The following PRKG1 variants were observed in gnomAD, a reference collection of about 807,000 sequenced individuals.
PRKG1 encodes cGMP-dependent protein kinase 1.
Under a neutral mutation model 88.1 loss-of-function variants are expected in PRKG1, and 35 were observed. The observed-to-expected ratio is 0.40, with a 90% CI of 0.30 to 0.53. The LOEUF is 0.53. Ranked by LOEUF, PRKG1 falls within the 20% of genes least tolerant of loss-of-function variation. The probability of loss-of-function intolerance (pLI) is 0.59; values close to 1 mark genes in which losing one functional copy is unlikely to be tolerated. For missense variants in PRKG1, 540 were observed against 839.8 expected (o/e 0.64, Z 4.41); for synonymous variants, 303 against 292.5 (o/e 1.04, Z -0.37).
At chr10:51,573,344 A>C (rs1772217632) in intron 3 of PRKG1, among the ~76,000 whole-genome samples, 1 of 151,598 alleles carries the variant, frequency 6.6e-6, no homozygotes. Context: ...GAAAAATAAG[A>C]ATTAATACAC....
At chr10:50,995,039 G>A (rs974385817) in intron 1 of PRKG1, among the ~76,000 whole-genome samples, 1 of 152,104 alleles carries the variant, frequency 6.6e-6, no homozygotes, top group Non-Finnish European at 1.5e-5. Flanking sequence ...ATCCTCGGAG[G>A]TCCTGGAACC....
intron 4 of PRKG1, among the ~76,000 whole-genome samples, chr10:51,880,153 A>G (rs74135010): frequency 0.011 from 1,639 of 152,230 alleles, 31 homozygotes; most frequent in African/African-American, 0.038. Flanking sequence ...GTGATACTAT[A>G]TGTTTAAATT....
At position 51,393,575 on chromosome 10, in the gene PRKG1, A is replaced by G. The variant is rs187716974; in HGVS notation, c.479-74148A>G. Among the ~76,000 whole-genome samples the G allele has an allele frequency of 1.6e-3, 242 of 152,352 alleles. 1 individual carries two copies. The highest frequency in any genetic ancestry group is 5.6e-3 in the African/African-American group (234 of 41,580). ...CAAAGGAGACCAAGATCAGTGCCTT[A>G]TCTACAGAAATATGAATGTGATGAT... On this transcript the variant is annotated intron_variant, in intron 2 of 17. Coordinates refer to ENST00000373980, the MANE Select transcript of PRKG1 (RefSeq NM_006258.4).
chr10:51,999,988 C>A (rs934222068), intron 5 of PRKG1, among the ~76,000 whole-genome samples: 4 of 151,930 alleles, frequency 2.6e-5, no homozygotes, highest in Non-Finnish European at 5.9e-5. Flanking sequence ...TTCAATTTGG[C>A]TTTTTAATGT....
intron 3 of PRKG1, among the ~76,000 whole-genome samples, chr10:51,742,404 G>T (rs975535124): frequency 6.6e-6 from 1 of 152,248 alleles, no homozygotes; most frequent in East Asian, 1.9e-4. Flanking sequence ...TTGGTTTGCC[G>T]CTTAATAGCC....
At chr10:51,724,153 C>G (rs1487553713) in intron 3 of PRKG1, among the ~76,000 whole-genome samples, 2 of 152,178 alleles carry the variant, frequency 1.3e-5, no homozygotes, top group Non-Finnish European at 1.5e-5. Context: ...GAAATCTCCC[C>G]TGCCAAATTA....
chr10:52,159,009 C>A (rs1838204131), intron 8 of PRKG1, among the ~76,000 whole-genome samples: 1 of 151,260 alleles, frequency 6.6e-6, no homozygotes, highest in South Asian at 2.1e-4. Context: ...AGTTAAAAAT[C>A]ATAGCGATGA....
At chr10:51,064,724 A>G (rs921990183) in intron 1 of PRKG1, among the ~76,000 whole-genome samples, 1 of 152,200 alleles carries the variant, frequency 6.6e-6, no homozygotes, top group Non-Finnish European at 1.5e-5. Flanking sequence ...TTAACAAACC[A>G]TATATTCCTG....
chr10:51,263,023 C>T (rs931490303), intron 2 of PRKG1, among the ~76,000 whole-genome samples: 6 of 152,082 alleles, frequency 3.9e-5, no homozygotes, highest in Non-Finnish European at 7.4e-5. Context: ...TTTCTTCTTC[C>T]TGAGAAAAGT....
chr10:51,239,939 G>A (rs1839107104), intron 2 of PRKG1, among the ~76,000 whole-genome samples: 1 of 152,100 alleles, frequency 6.6e-6, no homozygotes, highest in Non-Finnish European at 1.5e-5. Flanking sequence ...ACAATTTCTG[G>A]CATATAGCAA....
intron 9 of PRKG1, among the ~76,000 whole-genome samples, chr10:52,240,349 A>G (rs368604302): frequency 6.6e-6 from 1 of 152,148 alleles, no homozygotes; most frequent in African/African-American, 2.4e-5. Flanking sequence ...ACATTCTACA[A>G]AACACTTGTC....
chr10:52,205,540 G>T (rs1839796890), intron 9 of PRKG1, among the ~76,000 whole-genome samples: 1 of 152,044 alleles, frequency 6.6e-6, no homozygotes, highest in African/African-American at 2.4e-5. Flanking sequence ...GTGTTTTTTT[G>T]GTGGCTGGTA....
At chr10:52,151,200 C>T (rs374295713) in intron 8 of PRKG1, among the ~76,000 whole-genome samples, 2 of 151,890 alleles carry the variant, frequency 1.3e-5, no homozygotes, top group Non-Finnish European at 1.5e-5. Flanking sequence ...GGCCTAGTAC[C>T]CAATAGTTAT....
At chr10:51,861,801 T>C (rs1840880431) in intron 4 of PRKG1, among the ~76,000 whole-genome samples, 1 of 152,238 alleles carries the variant, frequency 6.6e-6, no homozygotes, top group Non-Finnish European at 1.5e-5. Flanking sequence ...TGACACAGGA[T>C]CCTCTCAGTG....
At chr10:51,327,793 C>G (rs1460044824) in intron 2 of PRKG1, among the ~76,000 whole-genome samples, 1 of 152,164 alleles carries the variant, frequency 6.6e-6, no homozygotes, top group African/African-American at 2.4e-5. Context: ...AGTAGAAACA[C>G]AGTATTACAA....
chr10:52,058,510 T>C (rs1846162569), intron 6 of PRKG1, among the ~76,000 whole-genome samples: 6 of 151,956 alleles, frequency 3.9e-5, no homozygotes, highest in Admixed American at 3.9e-4. Context: ...TGCCTACAGT[T>C]AACGTACTTA....
intron 3 of PRKG1, among the ~76,000 whole-genome samples, chr10:51,659,444 C>T (rs1443662970): frequency 6.6e-6 from 1 of 151,976 alleles, no homozygotes; most frequent in Non-Finnish European, 1.5e-5. Flanking sequence ...TGAGCTAATA[C>T]CCAAGGAGAT....
At chr10:52,054,741 T>C (rs1846070523) in intron 6 of PRKG1, among the ~76,000 whole-genome samples, 180 bp downstream of exon 6, 1 of 152,188 alleles carries the variant, frequency 6.6e-6, no homozygotes, top group Non-Finnish European at 1.5e-5. Context: ...AGATGTAACT[T>C]GGAAGACCAG....
intron 5 of PRKG1, among the ~76,000 whole-genome samples, chr10:51,926,748 TAG>T: frequency 8.3e-6 from 1 of 120,794 alleles, no homozygotes; most frequent in South Asian, 2.6e-4. Context: ...TTGCCTAGCA[TAG>T]TTTTTTTTTT....
Sources: allele counts gnomAD v4.1 joint callset (sites outside exome capture counted in the v4.1 genomes callset), GRCh38; gene constraint gnomAD v4.1.1; transcripts MANE v1.5; gene names NCBI Gene and HGNC (gene_info 2026-07-23, HGNC 2026-07-21).